Variants in GRM7 observed in about 807,000 individuals in gnomAD.
GRM7 encodes the protein metabotropic glutamate receptor 7.
A neutral mutation model predicts 84.5 loss-of-function variants in GRM7; 35 were observed. That is an observed-to-expected ratio of 0.41 (90% CI 0.32 to 0.55). The LOEUF (loss-of-function observed/expected upper bound fraction) is 0.55, where lower values mean the gene tolerates loss of function less well. Ranked by LOEUF, GRM7 falls within the 20% of genes least tolerant of loss-of-function variation. GRM7 has a pLI of 0.19. For synonymous variants in GRM7, 487 were observed against 455.1 expected (o/e 1.07, Z -0.89); for missense variants, 1,003 against 1,194.6 (o/e 0.84, Z 2.36).
At chr3:7,290,804 C>T (rs1043346600) in intron 2 of GRM7, among the ~76,000 whole-genome samples, 11 of 152,100 alleles carry the variant, frequency 7.2e-5, no homozygotes, top group African/African-American at 2.4e-4. Flanking sequence ...TCTGTCCTTG[C>T]TTCCTACCTT....
At chr3:7,363,275 A>T (rs1447983324) in intron 4 of GRM7, among the ~76,000 whole-genome samples, 5 of 152,082 alleles carry the variant, frequency 3.3e-5, no homozygotes, top group Non-Finnish European at 7.4e-5. Flanking sequence ...CATGGTTGCT[A>T]TGTTGCTTTA....
intron 2 of GRM7, among the ~76,000 whole-genome samples, chr3:7,148,762 A>G (rs1041112040): frequency 2.0e-5 from 3 of 152,160 alleles, no homozygotes; most frequent in Non-Finnish European, 4.4e-5. Flanking sequence ...TACATTGAAA[A>G]GCCCCAGCTA....
chr3:7,122,881 C>T (rs934760092), intron 1 of GRM7, among the ~76,000 whole-genome samples: 1 of 152,072 alleles, frequency 6.6e-6, no homozygotes, highest in African/African-American at 2.4e-5. Flanking sequence ...TTAACAGGCA[C>T]TTTATTGTGG....
intron 1 of GRM7, among the ~76,000 whole-genome samples, chr3:6,919,119 T>C (rs113588449): frequency 0.11 from 16,747 of 152,204 alleles, 2,098 homozygotes; most frequent in East Asian, 0.32. Context: ...GCCTCATTGG[T>C]CTAATGTCAC....
rs139538602 is a variant in GRM7, at chr3:7,449,524, A to G, written c.1175-3083A>G. Among the ~76,000 whole-genome samples the G allele has an allele frequency of 3.3e-3, 498 of 152,296 alleles. 2 individuals are homozygous for G. The highest frequency in any genetic ancestry group is 0.021 in the East Asian group (108 of 5,184). On this transcript the variant is annotated intron_variant, in intron 5 of 9. Transcript: ENST00000357716. ...TATTCAGAAAAATCTTTAAAAATCA[A>G]CAAATCTGGCACAGAGGGGCTTGCT...
Position 7,350,624 on chromosome 3 carries a change from G to T in GRM7, c.1033+43972G>T, listed in dbSNP as rs146412013. ...CTCAGGCATTTCTTTATAGCAGTGT[G>T]AGAATAGACTAATGCACTAATACTT... On this transcript the variant is annotated intron_variant, in intron 4 of 9. Coordinates refer to ENST00000357716, the MANE Select transcript of GRM7 (RefSeq NM_000844.4). Among the ~76,000 whole-genome samples, 444 of 152,214 alleles carry T rather than the reference G, an allele frequency of 2.9e-3. 5 individuals are homozygous for T. Among genetic ancestry groups the T allele is most frequent in the African/African-American group, 0.01 (419 of 41,534 alleles).
At chr3:7,473,489 GGAGAGAGAGAGAGAGA>G (rs372898836) in intron 7 of GRM7, among the ~76,000 whole-genome samples, 83 of 126,502 alleles carry the variant, frequency 6.6e-4, no homozygotes, top group African/African-American at 2.0e-3. Context: ...AAAACGAGAG[GGAGAGAGAGAGAGAGA>G]GAGAGAGAGA....
intron 4 of GRM7, among the ~76,000 whole-genome samples, chr3:7,409,087 G>T (rs1250101193): frequency 6.6e-6 from 1 of 152,058 alleles, no homozygotes; most frequent in African/African-American, 2.4e-5. Flanking sequence ...TTATTTATGT[G>T]CCAAGACTAC....
chr3:7,713,000 C>A (rs1415198951), intron 9 of GRM7, among the ~76,000 whole-genome samples: 1 of 151,980 alleles, frequency 6.6e-6, no homozygotes, highest in Admixed American at 6.6e-5. Flanking sequence ...TATAAGGATG[C>A]CAATCACTAG....
chr3:7,008,114 C>A (rs199537614), intron 1 of GRM7, among the ~76,000 whole-genome samples: 1 of 11,668 alleles, frequency 8.6e-5, no homozygotes, highest in Non-Finnish European at 7.6e-4. Flanking sequence ...AATGAGAATG[C>A]GTTTTTTTTT....
chr3:7,534,217 T>C (rs1701155403), intron 7 of GRM7, among the ~76,000 whole-genome samples: 1 of 152,120 alleles, frequency 6.6e-6, no homozygotes, highest in African/African-American at 2.4e-5. Context: ...TTTCAACATA[T>C]TGGCCAGGCT....
intron 8 of GRM7, among the ~76,000 whole-genome samples, chr3:7,651,499 C>T (rs574770867): frequency 1.3e-5 from 2 of 152,274 alleles, no homozygotes; most frequent in Non-Finnish European, 2.9e-5. Flanking sequence ...ACTGGCAAAG[C>T]TCTTGCTCTA....
chr3:6,861,966 A>G lies in GRM7; in HGVS notation c.519+59A>G. On this transcript the variant is annotated intron_variant, in intron 1 of 9. Transcript: ENST00000357716. This position sits in a 1 kb window ranked among gnomAD's most constrained non-coding sequence, Gnocchi z 6.4. The stretch of plus-strand genomic sequence containing the variant: ...AGTGGCTACCTGCGCCCTTAACCCT[A>G]AAAGCTGGCTTGGACTCCGGTGGTG... 1.4e-6 allele frequency: 2 copies of G among 1,455,616 alleles called. No homozygotes were observed. The highest frequency in any genetic ancestry group is 1.9e-6 in the Non-Finnish European group (2 of 1,064,868). The allele number at this position is 1,455,616 out of a possible 1,614,324, so 90.2% of individuals were successfully genotyped here. A position where few individuals can be genotyped will look rare whatever the true frequency, so the allele number is the denominator to read the frequency against.
intron 4 of GRM7, among the ~76,000 whole-genome samples, chr3:7,359,157 AG>A (rs34226778): frequency 0.36 from 48,300 of 135,272 alleles, 10,735 homozygotes; most frequent in East Asian, 0.56. Flanking sequence ...CCTTAGGTCT[AG>A]GTCTATGTAT....
intron 4 of GRM7, among the ~76,000 whole-genome samples, chr3:7,310,685 A>G (rs995617107): frequency 6.6e-6 from 1 of 152,210 alleles, no homozygotes; most frequent in African/African-American, 2.4e-5. Flanking sequence ...TACTCCTGCT[A>G]TTTGTGGCAG....
At position 7,672,441 on chromosome 3, in the gene GRM7, T is replaced by C. The variant is rs147931815; in HGVS notation, c.2452-7608T>C. 2.0e-3 allele frequency among the ~76,000 whole-genome samples: 306 copies of C among 152,294 alleles called. 1 individual carries two copies. The highest frequency in any genetic ancestry group is 3.4e-3 in the Non-Finnish European group (232 of 68,026). On this transcript the variant is annotated intron_variant, in intron 8 of 9. Transcript: ENST00000357716. ...TACATTTTTCATTTTTATTACATAGTCACTGGGATTTCATAAGAATTGTGA... is the reference window on the plus strand; with the variant it reads ...TACATTTTTCATTTTTATTACATAGCCACTGGGATTTCATAAGAATTGTGA...
In GRM7 at chr3:7,652,286, A is replaced by C. The variant is rs145430835; in HGVS notation, c.2452-27763A>C. Among the ~76,000 whole-genome samples, 337 of 152,294 alleles carry C rather than the reference A, an allele frequency of 2.2e-3. 3 individuals carry two copies. Among genetic ancestry groups the C allele is most frequent in the African/African-American group, 7.7e-3 (320 of 41,556 alleles). ...GCAAAAAGGGACATGTGGTCATTCT[A>C]CTTATGTTCCATGAATCTAATTGCT... On this transcript the variant is annotated intron_variant, in intron 8 of 9. Coordinates refer to ENST00000357716, the MANE Select transcript of GRM7 (RefSeq NM_000844.4).
intron 7 of GRM7, among the ~76,000 whole-genome samples, chr3:7,545,661 TG>T (rs994476641): frequency 2.0e-5 from 3 of 152,038 alleles, no homozygotes; most frequent in African/African-American, 7.2e-5. Context: ...ATTGAATATA[TG>T]GAGGTAGAAT....
At chr3:7,588,093 T>G (rs1695605304) in intron 8 of GRM7, among the ~76,000 whole-genome samples, 1 of 152,166 alleles carries the variant, frequency 6.6e-6, no homozygotes, top group Admixed American at 6.5e-5. Context: ...ATGTATATTA[T>G]GGGTAATCAT....
Sources: allele counts gnomAD v4.1 joint callset (sites outside exome capture counted in the v4.1 genomes callset), GRCh38; gene constraint gnomAD v4.1.1; non-coding constraint Gnocchi (gnomAD v3.1); transcripts MANE v1.5; gene names NCBI Gene and HGNC (gene_info 2026-07-23, HGNC 2026-07-21).